Variants in CDH13 observed in about 807,000 individuals in gnomAD.
CDH13 encodes the protein cadherin 13.
Under a neutral mutation model 63.8 loss-of-function variants are expected in CDH13, and 24 were observed. That is an observed-to-expected ratio of 0.38 (90% CI 0.27 to 0.53). The LOEUF (loss-of-function observed/expected upper bound fraction) is 0.53, where lower values mean the gene tolerates loss of function less well. Ranked by LOEUF, CDH13 falls within the 20% of genes least tolerant of loss-of-function variation. CDH13 has a pLI of 0.85. For synonymous variants in CDH13, 503 were observed against 355.3 expected (o/e 1.42, Z -4.67); for missense variants, 1,049 against 903.1 (o/e 1.16, Z -2.07).
At chr16:82,767,751 T>G (rs2035111478) in intron 1 of CDH13, among the ~76,000 whole-genome samples, 1 of 152,186 alleles carries the variant, frequency 6.6e-6, no homozygotes, top group South Asian at 2.1e-4. Flanking sequence ...CTCTCTCTCC[T>G]TTGGACACTG....
rs2074458515 is a variant in CDH13, at chr16:83,508,119, A to AAGAGAGGG, written c.960+21466_960+21467insAGAGGGAG. Among the ~76,000 whole-genome samples, 2 of 75,494 alleles carry AAGAGAGGG rather than the reference A, an allele frequency of 2.6e-5. 1 individual carries two copies. Among genetic ancestry groups the AAGAGAGGG allele is most frequent in the South Asian group, 1.4e-3 (2 of 1,450 alleles). 49.5% of individuals were successfully genotyped at this position (75,494 alleles called of 152,430 possible). ...AGGAAAGAAGGAAGGAAAAGGAAGG[A>AAGAGAGGG]AGGGAGGAAGGAAAGGGAAGGGGAG... is the stretch of plus-strand genomic sequence containing the variant. On this transcript the variant is annotated intron_variant, in intron 7 of 13. Transcript: ENST00000567109.
At chr16:82,815,150 A>G (rs2037643836) in intron 1 of CDH13, among the ~76,000 whole-genome samples, 1 of 152,160 alleles carries the variant, frequency 6.6e-6, no homozygotes, top group African/African-American at 2.4e-5. Flanking sequence ...TAGGGTACTT[A>G]GAAAGTACTG....
At chr16:83,182,750 A>G (rs944692420) in intron 4 of CDH13, among the ~76,000 whole-genome samples, 1 of 152,252 alleles carries the variant, frequency 6.6e-6, no homozygotes, top group African/African-American at 2.4e-5. Context: ...ACTAATGGGA[A>G]TGAGCGAAAA....
chr16:82,827,857 G>A (rs558962060), intron 1 of CDH13, among the ~76,000 whole-genome samples: 7 of 152,248 alleles, frequency 4.6e-5, no homozygotes, highest in African/African-American at 9.6e-5. Context: ...AGTATGACAC[G>A]GAGCCAGAAG....
intron 5 of CDH13, among the ~76,000 whole-genome samples, chr16:83,257,916 C>T (rs1350537607): frequency 6.6e-6 from 1 of 152,184 alleles, no homozygotes; most frequent in East Asian, 1.9e-4. Context: ...TTCTCTAATA[C>T]CTCACCAGCA....
chr16:82,868,468 T>C (rs1170979472), intron 2 of CDH13, among the ~76,000 whole-genome samples: 2 of 152,216 alleles, frequency 1.3e-5, no homozygotes, highest in African/African-American at 4.8e-5. Flanking sequence ...TGAACATATG[T>C]ACACATCAAA....
chr16:83,560,484 A>C (rs1228567030), intron 7 of CDH13, among the ~76,000 whole-genome samples: 2 of 152,194 alleles, frequency 1.3e-5, no homozygotes, highest in East Asian at 3.9e-4. Flanking sequence ...AAACTCATGG[A>C]AGCTGCATGG....
chr16:83,198,755 C>T (rs1437323301), intron 4 of CDH13, among the ~76,000 whole-genome samples: 1 of 152,084 alleles, frequency 6.6e-6, no homozygotes, highest in South Asian at 2.1e-4. Context: ...ATAAAAGATT[C>T]AACTCCTGCT....
At chr16:83,714,631 A>G (rs190743434) in intron 10 of CDH13, among the ~76,000 whole-genome samples, 43 of 152,344 alleles carry the variant, frequency 2.8e-4, no homozygotes, top group African/African-American at 9.9e-4. Context: ...AACATTGTCT[A>G]TAGAGACTGT....
intron 2 of CDH13, among the ~76,000 whole-genome samples, chr16:83,012,686 T>C (rs773877422): frequency 3.9e-4 from 59 of 152,292 alleles, no homozygotes; most frequent in Admixed American, 1.6e-3. Flanking sequence ...CCCAGCTAAT[T>C]GTTTGGTTCT....
chr16:83,561,274 C>G (rs1387409471), intron 7 of CDH13, among the ~76,000 whole-genome samples: 1 of 150,164 alleles, frequency 6.7e-6, no homozygotes, highest in Non-Finnish European at 1.5e-5. Context: ...TGGAGAAATC[C>G]CATCTCTACT....
At chr16:83,352,933 C>G (rs547349069) in intron 6 of CDH13, among the ~76,000 whole-genome samples, 1 of 152,110 alleles carries the variant, frequency 6.6e-6, no homozygotes, top group African/African-American at 2.4e-5. Context: ...ATGGCTTTGG[C>G]AACAATGTGG....
intron 3 of CDH13, among the ~76,000 whole-genome samples, chr16:83,091,528 G>A (rs1041022557): frequency 6.6e-6 from 1 of 152,178 alleles, no homozygotes; most frequent in Non-Finnish European, 1.5e-5. Flanking sequence ...TTCATTCCTT[G>A]GGGAGGGTAC....
Position 83,049,398 on chromosome 16 carries a change from G to A in CDH13, c.366+17180G>A, listed in dbSNP as rs550489520. Among the ~76,000 whole-genome samples the A allele has an allele frequency of 2.6e-4, 38 of 144,540 alleles. 1 individual carries two copies. The highest frequency in any genetic ancestry group is 8.8e-4 in the South Asian group (4 of 4,566). 94.8% of individuals were successfully genotyped at this position (144,540 alleles called of 152,430 possible). A position where few individuals can be genotyped will look rare whatever the true frequency, so the allele number is the denominator to read the frequency against. On this transcript the variant is annotated intron_variant, in intron 3 of 13. Transcript: ENST00000567109. The stretch of plus-strand genomic sequence containing the variant: ...GGTTGGGGTTGGAGTGCAGTGGTGC[G>A]ATCTCTATTCACTGCAAGCTCCACC...
chr16:83,361,752 C>T (rs75150179), intron 6 of CDH13, among the ~76,000 whole-genome samples: 12,707 of 151,972 alleles, frequency 0.084, 732 homozygotes, highest in Non-Finnish European at 0.13. Flanking sequence ...TGCAGCTTTA[C>T]TTCTCAGTTC....
At chr16:82,878,220 C>A (rs2040573677) in intron 2 of CDH13, among the ~76,000 whole-genome samples, 2 of 151,882 alleles carry the variant, frequency 1.3e-5, no homozygotes, top group African/African-American at 4.8e-5. Context: ...TGGCAATGCT[C>A]CTTCACTGAA....
intron 9 of CDH13, among the ~76,000 whole-genome samples, chr16:83,676,299 A>G: frequency 6.6e-6 from 1 of 152,112 alleles, no homozygotes; most frequent in Non-Finnish European, 1.5e-5. Flanking sequence ...CTAGGCCAAG[A>G]TTGTGATTAG....
intron 7 of CDH13, among the ~76,000 whole-genome samples, chr16:83,498,667 C>T (rs952178999): frequency 6.6e-6 from 1 of 152,204 alleles, no homozygotes; most frequent in Non-Finnish European, 1.5e-5. Context: ...ATCAGCCCAT[C>T]TCCAAAGCCC....
At chr16:83,254,714 C>A (rs1416020568) in intron 5 of CDH13, among the ~76,000 whole-genome samples, 4 of 152,182 alleles carry the variant, frequency 2.6e-5, no homozygotes, top group African/African-American at 9.7e-5. Context: ...TGAATCTGTT[C>A]AATAATTCTC....
Sources: allele counts gnomAD v4.1 joint callset (sites outside exome capture counted in the v4.1 genomes callset), GRCh38; gene constraint gnomAD v4.1.1; transcripts MANE v1.5; gene names NCBI Gene and HGNC (gene_info 2026-07-23, HGNC 2026-07-21).